HYDIN: variants seen among roughly 807,000 people sequenced by gnomAD.
HYDIN encodes the protein HYDIN axonemal central pair apparatus protein.
In HYDIN, 132 loss-of-function variants were observed where a neutral mutation model predicts 403.9. That is an observed-to-expected ratio of 0.33 (90% CI 0.28 to 0.38). The LOEUF (loss-of-function observed/expected upper bound fraction) is 0.38. Ranked by LOEUF, HYDIN falls within the 10% of genes least tolerant of loss-of-function variation. The probability of loss-of-function intolerance (pLI) is 1.00; values close to 1 mark genes in which losing one functional copy is unlikely to be tolerated. For synonymous variants in HYDIN, 1,202 were observed against 1,891.7 expected, an observed-to-expected ratio of 0.64 and a Z score of 9.46; for missense variants, 2,827 against 5,009.5, an observed-to-expected ratio of 0.56 and a Z score of 13.15.
intron 58 of HYDIN, among the ~76,000 whole-genome samples, chr16:70,886,232 T>C (rs1161688031): frequency 6.6e-6 from 1 of 151,954 alleles, no homozygotes; most frequent in African/African-American, 2.4e-5. Context: ...AGTCTATCCA[T>C]GTACATGCAC....
At position 70,857,761 on chromosome 16, in the gene HYDIN, G is replaced by A. The variant is rs749679799; in HGVS notation, c.12239C>T (p.Thr4080Ile). 1.3e-6 allele frequency: 2 copies of A among 1,595,332 alleles called. No homozygotes were observed. Among genetic ancestry groups the A allele is most frequent in the Non-Finnish European group, 1.7e-6 (2 of 1,170,712 alleles). ...TVPFLLVGKTTEPLISLNKSH... is the reference protein window; with the variant it reads ...TVPFLLVGKTIEPLISLNKSH... The stretch of plus-strand genomic sequence containing the variant: ...CTTGTTCAGAGAGATGAGAGGTTCG[G>A]TAGTTTTGCCTACCAGCAGGAAAGG... The change falls in exon 72 of 86, where the codon ACC becomes ATC. Residue 4080 changes from threonine to isoleucine, a missense_variant. By Grantham distance (89) the Thr-to-Ile change is moderately conservative (BLOSUM62 -1). Coordinates refer to ENST00000393567, the MANE Select transcript of HYDIN (RefSeq NM_001270974.2).
At chr16:71,135,693 C>A (rs919444079) in intron 8 of HYDIN, among the ~76,000 whole-genome samples, 4 of 152,202 alleles carry the variant, frequency 2.6e-5, no homozygotes, top group Non-Finnish European at 4.4e-5. Flanking sequence ...GGAACCAGGG[C>A]AAAGGAAGCA....
chr16:70,892,951 G>A (rs2041562191), intron 55 of HYDIN, among the ~76,000 whole-genome samples: 1 of 152,176 alleles, frequency 6.6e-6, no homozygotes, highest in Admixed American at 6.5e-5. Flanking sequence ...CTGTAACAGA[G>A]GTACTGGGGA....
At chr16:70,962,368 A>G (rs965074602) in intron 37 of HYDIN, among the ~76,000 whole-genome samples, 3 of 151,092 alleles carry the variant, frequency 2.0e-5, no homozygotes, top group African/African-American at 7.3e-5. Flanking sequence ...CTAAAATTAT[A>G]CATTTGCTTA....
chr16:71,219,914 C>T (rs569842090), intron 1 of HYDIN, among the ~76,000 whole-genome samples: 7 of 152,270 alleles, frequency 4.6e-5, no homozygotes, highest in Admixed American at 1.3e-4. Context: ...AAAAAGTTTG[C>T]CCTCAGGAAT....
At chr16:71,007,552 G>GA (rs1375907171) in intron 23 of HYDIN, among the ~76,000 whole-genome samples, 1 of 151,320 alleles carries the variant, frequency 6.6e-6, no homozygotes, top group Non-Finnish European at 1.5e-5. Flanking sequence ...CAAGAAATAT[G>GA]AAAAAACGTT....
In HYDIN at chr16:70,803,158, GA is replaced by G. The variant is rs200033952; in HGVS notation, c.*4421del. The stretch of plus-strand genomic sequence containing the variant: ...AGTTTTTAATAATTCAAACAATAAG[GA>G]ATTTTTTTTTTACCAGAAGTATTCT... On this transcript the variant is annotated 3_prime_UTR_variant, in exon 86 of 86. Transcript: ENST00000393567. Among the ~76,000 whole-genome samples, 11 of 152,112 alleles carry G rather than the reference GA, an allele frequency of 7.2e-5. No homozygotes were observed. The highest frequency in any genetic ancestry group is 2.4e-4 in the African/African-American group (10 of 41,444).
rs1408406398 is a variant in HYDIN at position 70,883,931 on chromosome 16, G to C, written c.9968C>G (p.Ala3323Gly). 1.2e-6 allele frequency: 2 copies of C among 1,613,580 alleles called. No individual in the cohort carries two copies. Among genetic ancestry groups the C allele is most frequent in the East Asian group, 4.5e-5 (2 of 44,906 alleles). The change falls in exon 59 of 86, where the codon GCC (alanine) becomes GGC (glycine). Residue 3323 changes from alanine (A) to glycine (G), a missense_variant. By Grantham distance (60) the Ala-to-Gly change is moderately conservative. Transcript: ENST00000393567. Reference sequence around the variant, plus strand: ...TGAGTGGTCAGTACCTGGTAGACAGGCTTCAGCTAGCAAAGTGTAAAGAAT... The same window carrying C: ...TGAGTGGTCAGTACCTGGTAGACAGCCTTCAGCTAGCAAAGTGTAAAGAAT... ...AGILYTLLAE[A>G]CLPAFVTENN...
At chr16:71,116,179 T>C (rs1356030392) in intron 9 of HYDIN, among the ~76,000 whole-genome samples, 1 of 151,154 alleles carries the variant, frequency 6.6e-6, no homozygotes, top group Non-Finnish European at 1.5e-5. Flanking sequence ...TCCCACCCTC[T>C]GATGCCTGGT....
chr16:71,182,723 G>A (rs1406093432), intron 3 of HYDIN, among the ~76,000 whole-genome samples: 1 of 152,094 alleles, frequency 6.6e-6, no homozygotes, highest in African/African-American at 2.4e-5. Context: ...AGTGGCAGGA[G>A]ATATAAATAT....
At chr16:71,115,297 A>T (rs1236887043) in intron 10 of HYDIN, among the ~76,000 whole-genome samples, 1 of 152,092 alleles carries the variant, frequency 6.6e-6, no homozygotes, top group Non-Finnish European at 1.5e-5. Context: ...CTGCCTTGTG[A>T]AGAAGGTGCC....
intron 78 of HYDIN, among the ~76,000 whole-genome samples, chr16:70,835,083 C>T (rs1402778781): frequency 1.3e-5 from 2 of 149,970 alleles, no homozygotes; most frequent in African/African-American, 2.5e-5. Context: ...CTGCAACCTC[C>T]GCCTCCTGGG....
rs746168865 is a variant in HYDIN at position 70,879,613 on chromosome 16, G to A, written c.10359C>T (p.Gly3453=). ...YQCIFEATLD[G]LPSTLAKSRG... The stretch of plus-strand genomic sequence containing the variant: ...GAGCTGGGAGTTGGTACCTGGGCAA[G>A]CCATCCAAGGTAGCCTCAAAGATGC... The change falls in exon 61 of 86, where the codon GGC becomes GGT. Residue 3453 remains glycine (G), a synonymous_variant. Transcript: ENST00000393567. The A allele has an allele frequency of 1.2e-6, 2 of 1,613,222 alleles. No individual in the cohort carries two copies. Among genetic ancestry groups the A allele is most frequent in the African/African-American group, 1.3e-5 (1 of 74,236 alleles).
At chr16:70,921,610 C>T (rs28450522) in intron 45 of HYDIN, among the ~76,000 whole-genome samples, 1 of 152,212 alleles carries the variant, frequency 6.6e-6, no homozygotes, top group Non-Finnish European at 1.5e-5. Context: ...CCCAGCTGCA[C>T]TGCTTGGTAG....
In HYDIN at chr16:70,874,905, C is replaced by A. The variant is rs763066297; in HGVS notation, c.10572G>T (p.Leu3524=). ...GGGAGAAGACTCCTAGCTCATCCTG[C>A]AGGTCAACATGCAGCTGGCAGAAGG... ...GVLPAQLHVD[L]QDELGVFSLK... is the part of the protein sequence containing the mutation. The change falls in exon 63 of 86, where the codon CTG becomes CTT. Residue 3524 remains leucine, a synonymous_variant. Transcript: ENST00000393567. The A allele has an allele frequency of 1.9e-6, 3 of 1,604,884 alleles. No homozygotes were observed. Among genetic ancestry groups the A allele is most frequent in the Middle Eastern group, 1.7e-4 (1 of 6,034 alleles).
intron 83 of HYDIN, among the ~76,000 whole-genome samples, chr16:70,821,532 T>A (rs1030621575): frequency 6.6e-6 from 1 of 152,088 alleles, no homozygotes; most frequent in African/African-American, 2.4e-5. Context: ...ATTTCCTAGG[T>A]GAAGCCAGAA....
At chr16:70,922,133 T>C (rs1473319300) in intron 45 of HYDIN, among the ~76,000 whole-genome samples, 1 of 152,218 alleles carries the variant, frequency 6.6e-6, no homozygotes, top group Non-Finnish European at 1.5e-5. Flanking sequence ...GACCAGGGGC[T>C]GGCTTTTCCC....
intron 79 of HYDIN, 42 bp downstream of exon 79, chr16:70,833,845 G>A (rs535818619): frequency 2.0e-6 from 3 of 1,487,878 alleles, no homozygotes; most frequent in East Asian, 4.8e-5. Context: ...AGGGACAGCA[G>A]CCTCTGGGGC....
chr16:70,984,574 T>C (rs2079133521), intron 28 of HYDIN, among the ~76,000 whole-genome samples: 1 of 150,878 alleles, frequency 6.6e-6, no homozygotes, highest in Admixed American at 6.6e-5. Context: ...TAAACCCAAA[T>C]ATGTGAGATG....
Sources: allele counts gnomAD v4.1 joint callset (sites outside exome capture counted in the v4.1 genomes callset), GRCh38; gene constraint gnomAD v4.1.1; transcripts MANE v1.5; gene names NCBI Gene and HGNC (gene_info 2026-07-23, HGNC 2026-07-21).